ZNF554: variants seen among roughly 807,000 people sequenced by gnomAD.
ZNF554 encodes the protein zinc finger protein 554.
A neutral mutation model predicts 21.2 loss-of-function variants in ZNF554; 15 were observed. The observed-to-expected ratio is 0.71, with a 90% CI of 0.47 to 1.09. The LOEUF is 1.09. Ranked by LOEUF, ZNF554 falls within the 50% of genes least tolerant of loss-of-function variation. The pLI is 0.00. For synonymous variants in ZNF554, 258 were observed against 251.4 expected, an observed-to-expected ratio of 1.03 and a Z score of -0.25; for missense variants, 691 against 662.7, an observed-to-expected ratio of 1.04 and a Z score of -0.47.
At chr19:2,824,511 C>T (rs2087303590) in intron 2 of ZNF554, among the ~76,000 whole-genome samples, 1 of 152,214 alleles carries the variant, frequency 6.6e-6, no homozygotes, top group Non-Finnish European at 1.5e-5. Context: ...GCAGTGCTGC[C>T]CAGGAAGGCA....
rs780753298 is a variant in ZNF554, at chr19:2,832,459, T to C, written c.410T>C (p.Ile137Thr). Reference protein sequence around the residue: ...SHLEQREALWIEEKGTPQASC... With the variant: ...SHLEQREALWTEEKGTPQASC... ...TTGGAGCAAAGAGAAGCCCTGTGGA[T>C]AGAGGAAAAAGGAACTCCTCAAGCC... The change falls in exon 4 of 5, where the codon ATA becomes ACA. Residue 137 changes from isoleucine (I) to threonine (T), a missense_variant. Coordinates refer to ENST00000317243, the MANE Select transcript of ZNF554 (RefSeq NM_001102651.2). 1 of 1,611,670 alleles carries C rather than the reference T, an allele frequency of 6.2e-7. No individual in the cohort carries two copies. Among genetic ancestry groups the C allele is most frequent in the South Asian group, 1.1e-5 (1 of 90,704 alleles).
chr19:2,834,046 A>G lies in ZNF554; in HGVS notation c.811A>G (p.Arg271Gly). The G allele has an allele frequency of 6.2e-7, 1 of 1,614,136 alleles. No individual in the cohort carries two copies. Among genetic ancestry groups the G allele is most frequent in the Non-Finnish European group, 8.5e-7 (1 of 1,180,038 alleles). The change falls in exon 5 of 5, where the codon AGA becomes GGA. Residue 271 changes from arginine to glycine, a missense_variant. Physicochemically the swap from Arg to Gly is moderately radical, Grantham distance 125 (BLOSUM62 -2). Coordinates refer to ENST00000317243, the MANE Select transcript of ZNF554 (RefSeq NM_001102651.2). ...CCATCAGCTGGGATATGCAGATCGG[A>G]GACCTTGTGAAAGTAATGAATGTGG... ...NHHQLGYADR[R>G]PCESNECGNA...
chr19:2,833,939 C>T lies in ZNF554; in HGVS notation c.704C>T (p.Ser235Leu). 1 of 1,614,066 alleles carries T rather than the reference C, an allele frequency of 6.2e-7. No homozygotes were observed. ...AATCTGAGCCCAGCCCTTGTTTTAT[C>T]ACAGGGAAGCTCTAAAGGGAACCAC... ...NGNLSPALVLSQGSSKGNHLC... is the reference protein window; with the variant it reads ...NGNLSPALVLLQGSSKGNHLC... The change falls in exon 5 of 5, where the codon TCA (serine) becomes TTA (leucine). Residue 235 changes from serine to leucine, a missense_variant. Coordinates refer to ENST00000317243, the MANE Select transcript of ZNF554 (RefSeq NM_001102651.2).
intron 1 of ZNF554, among the ~76,000 whole-genome samples, chr19:2,820,684 C>CTTTTTTTTTTTT (rs762586098): frequency 0.014 from 1,461 of 102,864 alleles, 180 homozygotes; most frequent in African/African-American, 0.052. Flanking sequence ...AGCAAGGGTC[C>CTTTTTTTTTTTT]TTTTTTTTTT....
chr19:2,834,003 C>A lies in ZNF554; in HGVS notation c.768C>A (p.Ser256=). The A allele has an allele frequency of 1.2e-6, 2 of 1,614,114 alleles. No individual in the cohort carries two copies. The highest frequency in any genetic ancestry group is 1.1e-5 in the South Asian group (1 of 91,086). The change falls in exon 5 of 5, where the codon TCC becomes TCA. Residue 256 remains serine, a synonymous_variant. Transcript: ENST00000317243. ...GSELDITSLA[S]DSVLNHHQLG... ...AGTTAGATATTACAAGCTTGGCATC[C>A]GATTCAGTCTTAAACCACCATCAGC...
chr19:2,823,401 T>C (rs766483646), intron 2 of ZNF554, among the ~76,000 whole-genome samples: 5 of 152,192 alleles, frequency 3.3e-5, no homozygotes, highest in Non-Finnish European at 5.9e-5. Flanking sequence ...GCCCAAGTTC[T>C]TGTCCTGCAT....
intron 1 of ZNF554, among the ~76,000 whole-genome samples, chr19:2,820,862 A>T (rs1248587629): frequency 6.7e-6 from 1 of 149,036 alleles, no homozygotes; most frequent in Non-Finnish European, 1.5e-5. Flanking sequence ...ACGGGGTTTC[A>T]CCATGTTGGC....
chr19:2,827,889 C>T (rs550123681), intron 3 of ZNF554, 146 bp downstream of exon 3: 27 of 1,004,322 alleles, frequency 2.7e-5, no homozygotes, highest in African/African-American at 1.2e-4. Flanking sequence ...TCCACATGGC[C>T]GGGGAGGGCT....
Position 2,834,571 on chromosome 19 carries a change from A to G in ZNF554, c.1336A>G (p.Ser446Gly), listed in dbSNP as rs969462615. 2 of 1,614,036 alleles carry G rather than the reference A, an allele frequency of 1.2e-6. No individual in the cohort carries two copies. The highest frequency in any genetic ancestry group is 3.3e-5 in the Admixed American group (2 of 59,998). Residue 446 changes from serine (S) to glycine (G), a missense_variant, in exon 5 of 5, where the codon AGT becomes GGT. Coordinates refer to ENST00000317243, the MANE Select transcript of ZNF554 (RefSeq NM_001102651.2). ...ATGCAGTGAATGTGGAAAGGCCTTC[A>G]GTGACCGTTCCTCTCTCAACCAGCA... ...YECSECGKAF[S>G]DRSSLNQHER...
intron 1 of ZNF554, 48 bp from the exon 2 acceptor site, chr19:2,822,992 G>C (rs746030306): frequency 2.5e-6 from 4 of 1,587,288 alleles, no homozygotes; most frequent in Non-Finnish European, 2.6e-6. Flanking sequence ...CTGGGATCTG[G>C]GGACTGGCCT....
At position 2,832,400 on chromosome 19, in the gene ZNF554, G is replaced by T. The variant is rs773750370; in HGVS notation, c.351G>T (p.Gly117=). 8.7e-6 allele frequency: 14 copies of T among 1,614,068 alleles called. No homozygotes were observed. Among genetic ancestry groups the T allele is most frequent in the Admixed American group, 6.7e-5 (4 of 60,008 alleles). The change falls in exon 4 of 5, where the codon GGG becomes GGT. Residue 117 remains glycine, a synonymous_variant. Transcript: ENST00000317243. ...SQVTSLSSWT[G]YLLFQPVASS... is the part of the protein sequence containing the mutation. ...TCACTAGTCTTTCCTCATGGACGGG[G>T]TATTTACTTTTTCAACCAGTGGCTT...
chr19:2,834,917 C>T lies in ZNF554; in HGVS notation c.*65C>T. Reference sequence around the variant, plus strand: ...GACACATACATGTGGTTATCTTTTGCCCTGTTGTGATGGATAATTTGAAAA... The same window carrying T: ...GACACATACATGTGGTTATCTTTTGTCCTGTTGTGATGGATAATTTGAAAA... On this transcript the variant is annotated 3_prime_UTR_variant, in exon 5 of 5. Coordinates refer to ENST00000317243, the MANE Select transcript of ZNF554 (RefSeq NM_001102651.2). 1 of 1,422,754 alleles carries T rather than the reference C, an allele frequency of 7.0e-7. No homozygotes were observed. Among genetic ancestry groups the T allele is most frequent in the Non-Finnish European group, 9.5e-7 (1 of 1,054,646 alleles). 88.1% of individuals were successfully genotyped at this position (1,422,754 alleles called of 1,614,324 possible).
At chr19:2,820,944 G>A (rs1030001647) in intron 1 of ZNF554, among the ~76,000 whole-genome samples, 19 of 151,552 alleles carry the variant, frequency 1.3e-4, no homozygotes, top group African/African-American at 3.9e-4. Context: ...GATTACAGGC[G>A]TGAGCCACCG....
At chr19:2,833,619 G>A (rs8107771) in intron 4 of ZNF554, 62 bp from the exon 5 acceptor site, 731,279 of 1,402,838 alleles carry the variant, frequency 0.52, 193,170 homozygotes, top group South Asian at 0.71. Context: ...CTTCTGTCCC[G>A]CTGGTTTTCA....
At position 2,833,942 on chromosome 19, in the gene ZNF554, A is replaced by G. The variant is rs201591479; in HGVS notation, c.707A>G (p.Gln236Arg). Reference protein sequence around the residue: ...GNLSPALVLSQGSSKGNHLCG... With the variant: ...GNLSPALVLSRGSSKGNHLCG... ...CTGAGCCCAGCCCTTGTTTTATCAC[A>G]GGGAAGCTCTAAAGGGAACCACTTG... Residue 236 changes from glutamine to arginine, a missense_variant, in exon 5 of 5, where the codon CAG becomes CGG. By Grantham distance (43) the Gln-to-Arg change is conservative (BLOSUM62 1). Transcript: ENST00000317243. 1.7e-5 allele frequency: 27 copies of G among 1,614,116 alleles called. No homozygotes were observed. Among genetic ancestry groups the G allele is most frequent in the African/African-American group, 2.7e-5 (2 of 75,072 alleles).
rs1347653203 is a variant in ZNF554 at position 2,821,105 on chromosome 19, T to TC, written c.53+981_53+982insC. Among the ~76,000 whole-genome samples the TC allele has an allele frequency of 2.0e-5, 3 of 151,358 alleles. No individual in the cohort carries two copies. The highest frequency in any genetic ancestry group is 4.4e-5 in the Non-Finnish European group (3 of 67,958). The stretch of plus-strand genomic sequence containing the variant: ...GTTTCTTTTTCTTCTTCTTTTTTTT[T>TC]TCTTGAGACAGTCTCGCCCTATTGC... On this transcript the variant is annotated intron_variant, in intron 1 of 4. Coordinates refer to ENST00000317243, the MANE Select transcript of ZNF554 (RefSeq NM_001102651.2). This position sits in a 1 kb window ranked among gnomAD's most constrained non-coding sequence, Gnocchi z 8.2.
chr19:2,823,294 T>C lies in ZNF554; in HGVS notation c.126+182T>C, dbSNP rs2087287259. On this transcript the variant is annotated intron_variant, in intron 2 of 4. Coordinates refer to ENST00000317243, the MANE Select transcript of ZNF554 (RefSeq NM_001102651.2). Reference sequence around the variant, plus strand: ...CAGGTGTAAAGAGTGACCCTCAGTATTGGGACTGAGCACAGCCTCTCCCTA... The same window carrying C: ...CAGGTGTAAAGAGTGACCCTCAGTACTGGGACTGAGCACAGCCTCTCCCTA... Among the ~76,000 whole-genome samples the C allele has an allele frequency of 1.3e-5, 2 of 152,164 alleles. 1 individual carries two copies. Among genetic ancestry groups the C allele is most frequent in the Admixed American group, 1.3e-4 (2 of 15,274 alleles).
intron 2 of ZNF554, 82 bp downstream of exon 2, chr19:2,823,194 G>A (rs969441372): frequency 1.4e-5 from 20 of 1,385,574 alleles, no homozygotes; most frequent in Non-Finnish European, 2.0e-5. Flanking sequence ...CTCGATAGAG[G>A]AGACCCCTTG....
rs866198025 is a variant in ZNF554 at position 2,821,574 on chromosome 19, A to G, written c.53+1450A>G. On this transcript the variant is annotated intron_variant, in intron 1 of 4. Transcript: ENST00000317243. The surrounding 1 kb of genome is among the most constrained non-coding windows in gnomAD (Gnocchi z 8.2). ...TTCCAGCTTCTGGGGGTGGCCTGCC[A>G]TAGTTGGTGTCCCTTGGCTTGGGGC... Among the ~76,000 whole-genome samples, 2 of 152,030 alleles carry G rather than the reference A, an allele frequency of 1.3e-5. No individual in the cohort carries two copies. Among genetic ancestry groups the G allele is most frequent in the African/African-American group, 4.8e-5 (2 of 41,300 alleles).
Sources: gnomAD v4.1 joint callset for allele counts (sites outside exome capture counted in the v4.1 genomes callset) on GRCh38, gnomAD v4.1.1 for gene constraint, Gnocchi (gnomAD v3.1) non-coding constraint, MANE v1.5 for transcripts, NCBI Gene and HGNC (gene_info 2026-07-23, HGNC 2026-07-21) for gene names.